The following USP30 variants were observed in gnomAD, a reference collection of about 807,000 sequenced individuals.
USP30 encodes ubiquitin specific peptidase 30.
A neutral mutation model predicts 68.2 loss-of-function variants in USP30; 41 were observed. The ratio of observed to expected loss-of-function variants is 0.60; its 90% CI spans 0.47 to 0.78. USP30 has a LOEUF of 0.78. Among genes scored for constraint, USP30 ranks in the 30% least tolerant of loss-of-function variants. The pLI is 0.00. For synonymous variants in USP30, 229 were observed against 253.7 expected (o/e 0.90, Z 0.93); for missense variants, 522 against 649.4 (o/e 0.80, Z 2.13).
chr12:109,081,902 T>G, intron 8 of USP30, 31 bp from the exon 9 acceptor site: 1 of 1,598,460 alleles, frequency 6.3e-7, no homozygotes. Flanking sequence ...GTCCTTTGAA[T>G]TGTAGTAATT....
intron 8 of USP30, 91 bp downstream of exon 8, chr12:109,081,484 A>G (rs1358858737): frequency 3.0e-6 from 4 of 1,332,538 alleles, no homozygotes; most frequent in African/African-American, 1.5e-5. Context: ...CTCAGGCACT[A>G]TGTGTAATTC....
intron 3 of USP30, among the ~76,000 whole-genome samples, chr12:109,064,532 G>A (rs1176398995): frequency 6.6e-6 from 1 of 151,778 alleles, no homozygotes; most frequent in Non-Finnish European, 1.5e-5. Context: ...TAACCACCTC[G>A]GCCTCCCAGA....
chr12:109,078,619 CCTTCT>C lies in USP30; in HGVS notation c.721-2709_721-2705del, dbSNP rs1351195709. Among the ~76,000 whole-genome samples, 4 of 151,728 alleles carry C rather than the reference CCTTCT, an allele frequency of 2.6e-5. No individual in the cohort carries two copies. In the East Asian group the frequency reaches 7.7e-4, roughly 29 times the overall value. ...ATCTCAAAAAAAAAAAAAAGAGTTG[CCTTCT>C]CTTCTACTAATTAATTAATAGAAAA... On this transcript the variant is annotated intron_variant, in intron 7 of 12. Transcript: ENST00000257548.
chr12:109,033,236 C>T (rs2040495275), intron 3 of USP30, among the ~76,000 whole-genome samples: 1 of 152,202 alleles, frequency 6.6e-6, no homozygotes, highest in South Asian at 2.1e-4. Flanking sequence ...AAGAATTATA[C>T]TTCAAGGCAT....
At chr12:109,071,403 CCTG>C (rs2041436843) in intron 4 of USP30, among the ~76,000 whole-genome samples, 1 of 152,232 alleles carries the variant, frequency 6.6e-6, no homozygotes, top group Admixed American at 6.5e-5. Flanking sequence ...GGCTTTCTCT[CCTG>C]CTCTCTGCTC....
At chr12:109,028,642 T>A (rs943424004) in intron 3 of USP30, among the ~76,000 whole-genome samples, 2 of 152,162 alleles carry the variant, frequency 1.3e-5, no homozygotes, top group African/African-American at 4.8e-5. Flanking sequence ...CACGCCTGGC[T>A]AATTTTTGTA....
At chr12:109,082,571 T>C in intron 9 of USP30, 92 bp from the exon 10 acceptor site, 1 of 1,271,466 alleles carries the variant, frequency 7.9e-7, no homozygotes, top group Non-Finnish European at 1.1e-6. Flanking sequence ...CAAGTGCCAA[T>C]TGTGTGCCGC....
At chr12:109,038,543 G>A (rs1032175851) in intron 3 of USP30, among the ~76,000 whole-genome samples, 9 of 151,952 alleles carry the variant, frequency 5.9e-5, no homozygotes, top group Non-Finnish European at 1.2e-4. Flanking sequence ...CTTCAGCAAT[G>A]AATGCTATTT....
intron 3 of USP30, among the ~76,000 whole-genome samples, chr12:109,063,184 C>T (rs2041134252): frequency 6.6e-6 from 1 of 152,174 alleles, no homozygotes; most frequent in Non-Finnish European, 1.5e-5. Context: ...ACTGCCACTT[C>T]CGCCTTCCAG....
chr12:109,085,862 C>T lies in USP30; in HGVS notation c.1485C>T (p.Tyr495=), dbSNP rs749955281. Residue 495 remains tyrosine, a synonymous_variant, in exon 13 of 13, where the codon TAC becomes TAT. Coordinates refer to ENST00000257548, the MANE Select transcript of USP30 (RefSeq NM_032663.5). ...SLQEVLSSSA[Y]LLFYERVLSR... ...AGGAGGTCCTGTCCTCCAGCGCCTACCTGCTGTTCTACGAGCGCGTCCTTT... is the reference window on the plus strand; with the variant it reads ...AGGAGGTCCTGTCCTCCAGCGCCTATCTGCTGTTCTACGAGCGCGTCCTTT... 3.5e-5 allele frequency: 57 copies of T among 1,614,114 alleles called. 1 individual carries two copies.
intron 7 of USP30, among the ~76,000 whole-genome samples, chr12:109,079,351 C>CTTTTT (rs71079521): frequency 2.0e-4 from 10 of 48,800 alleles, no homozygotes; most frequent in East Asian, 6.6e-4. Flanking sequence ...TTTTTTTTTT[C>CTTTTT]TTTTTTTTTT....
intron 3 of USP30, among the ~76,000 whole-genome samples, chr12:109,029,307 T>C (rs1408808570): frequency 6.6e-6 from 1 of 152,204 alleles, no homozygotes; most frequent in Non-Finnish European, 1.5e-5. Flanking sequence ...GAGGGGCTTC[T>C]GGCCGAGTTA....
intron 7 of USP30, among the ~76,000 whole-genome samples, chr12:109,076,468 A>G (rs901107686): frequency 6.6e-6 from 1 of 151,278 alleles, no homozygotes; most frequent in Non-Finnish European, 1.5e-5. Flanking sequence ...ACAAAGTTAA[A>G]TAAGAGTGAT....
At chr12:109,047,804 A>G (rs2040619028), upstream of USP30, 1 of 152,198 alleles carries the variant, frequency 6.6e-6, no homozygotes, top group Admixed American at 6.5e-5. Context: ...TCTGGGCAAC[A>G]TGGTGAAACC....
chr12:109,052,745 A>G lies in USP30; in HGVS notation c.67A>G (p.Thr23Ala). ...CAGGGCCATCCAGCGCTTCCTGCGG[A>G]CCGGGGCGGCCGTCAGGTGAGATTT... ...ADRAIQRFLR[T>A]GAAVRYKVMK... The change falls in exon 1 of 13, where the codon ACC becomes GCC. Residue 23 changes from threonine (T) to alanine (A), a missense_variant. Transcript: ENST00000257548. 6.9e-7 allele frequency: 1 copy of G among 1,457,430 alleles called. No individual in the cohort carries two copies. The allele number at this position is 1,457,430 out of a possible 1,614,324, so 90.3% of individuals were successfully genotyped here.
chr12:109,041,634 CAAAAAAA>C (rs879531788), intron 3 of USP30, among the ~76,000 whole-genome samples: 111 of 123,236 alleles, frequency 9.0e-4, no homozygotes, highest in Admixed American at 1.2e-3. Flanking sequence ...AACTCCATTT[CAAAAAAA>C]AAAAGAAAAA....
chr12:109,056,755 T>C lies in USP30; in HGVS notation c.157T>C (p.Trp53Arg). ...AALAAGIYVIWGPITERKKRR... is the reference protein window; with the variant it reads ...AALAAGIYVIRGPITERKKRR... ...TCTTGCAGCAGGAATATATGTTATT[T>C]GGGGTCCCATTACAGAAAGAAAGAA... is the stretch of plus-strand genomic sequence containing the variant. Residue 53 changes from tryptophan to arginine, a missense_variant, in exon 2 of 13, where the codon TGG becomes CGG. Trp to Arg is a moderately radical substitution (Grantham distance 101). Transcript: ENST00000257548. 1 of 1,612,726 alleles carries C rather than the reference T, an allele frequency of 6.2e-7. No homozygotes were observed. Among genetic ancestry groups the C allele is most frequent in the Non-Finnish European group, 8.5e-7 (1 of 1,179,602 alleles).
At chr12:109,038,949 A>T (rs1355746722) in intron 3 of USP30, among the ~76,000 whole-genome samples, 1 of 152,200 alleles carries the variant, frequency 6.6e-6, no homozygotes, top group Non-Finnish European at 1.5e-5. Flanking sequence ...GCCAGTTCAG[A>T]GGGAATTGTT....
intron 1 of USP30, among the ~76,000 whole-genome samples, chr12:109,055,333 C>T (rs2135705713): frequency 1.5e-5 from 2 of 134,066 alleles, no homozygotes; most frequent in Middle Eastern, 7.8e-3. Flanking sequence ...AGTATTCAGT[C>T]ATTCAATAAA....
Sources: gnomAD v4.1 joint callset for allele counts (sites outside exome capture counted in the v4.1 genomes callset) on GRCh38, gnomAD v4.1.1 for gene constraint, MANE v1.5 for transcripts, NCBI Gene and HGNC (gene_info 2026-07-23, HGNC 2026-07-21) for gene names.